The following NRXN3 variants were observed in gnomAD, a reference collection of about 807,000 sequenced individuals.
The protein encoded by NRXN3 is neurexin 3.
Under a neutral mutation model 137.6 loss-of-function variants are expected in NRXN3, and 32 were observed. That is an observed-to-expected ratio of 0.23 (90% CI 0.18 to 0.31). NRXN3 has a LOEUF of 0.31. NRXN3 is among the 10% of genes least tolerant of loss of function. The pLI is 1.00. For synonymous variants in NRXN3, 798 were observed against 784.5 expected (o/e 1.02, Z -0.29); for missense variants, 1,574 against 2,062.5 (o/e 0.76, Z 4.59).
intron 20 of NRXN3, among the ~76,000 whole-genome samples, chr14:79,822,593 T>C (rs1603616412): frequency 6.6e-6 from 1 of 152,296 alleles, no homozygotes; most frequent in East Asian, 1.9e-4. Context: ...AAGTGTTCTC[T>C]ATGTTGCCAC....
At chr14:78,352,128 T>C (rs1032623133) in intron 4 of NRXN3, among the ~76,000 whole-genome samples, 1 of 152,134 alleles carries the variant, frequency 6.6e-6, no homozygotes, top group Admixed American at 6.5e-5. Flanking sequence ...CATTGCCTTA[T>C]ATTTTCTTCT....
In NRXN3 at chr14:79,862,596, A is replaced by T. The variant is rs1471107605; in HGVS notation, c.*632A>T. 6.6e-6 allele frequency: 1 copy of T among 152,482 alleles called. No homozygotes were observed. The highest frequency in any genetic ancestry group is 2.4e-5 in the African/African-American group (1 of 41,402). The allele number at this position is 152,482 out of a possible 1,614,324, so 9.4% of individuals were successfully genotyped here. On this transcript the variant is annotated 3_prime_UTR_variant, in exon 21 of 21. Transcript: ENST00000335750. ...GTTTTTGTTTATTTTTTTGATAATG[A>T]CTGGACATCAGAAGAGGAAAAAAAC...
chr14:78,463,504 A>G (rs2094992210), intron 4 of NRXN3, among the ~76,000 whole-genome samples: 1 of 151,662 alleles, frequency 6.6e-6, no homozygotes, highest in Non-Finnish European at 1.5e-5. Flanking sequence ...GTATTAATTT[A>G]CATTCCTACA....
intron 4 of NRXN3, among the ~76,000 whole-genome samples, chr14:78,479,517 T>A (rs2095437151): frequency 6.6e-6 from 1 of 152,190 alleles, no homozygotes; most frequent in Non-Finnish European, 1.5e-5. Flanking sequence ...ACAATTCAGG[T>A]TGTACAAAGT....
At chr14:78,196,759 G>C (rs918070946) in intron 1 of NRXN3, among the ~76,000 whole-genome samples, 4 of 152,180 alleles carry the variant, frequency 2.6e-5, no homozygotes, top group African/African-American at 7.2e-5. Flanking sequence ...GAGGTATATG[G>C]CGCTATTAGA....
At chr14:79,359,854 A>C (rs1047210142) in intron 15 of NRXN3, among the ~76,000 whole-genome samples, 36 of 151,886 alleles carry the variant, frequency 2.4e-4, no homozygotes, top group African/African-American at 6.7e-4. Flanking sequence ...CACCCCCACT[A>C]TTACTCTGAA....
intron 15 of NRXN3, among the ~76,000 whole-genome samples, chr14:79,082,177 C>T (rs1212225469): frequency 1.3e-5 from 2 of 151,814 alleles, no homozygotes; most frequent in Non-Finnish European, 2.9e-5. Flanking sequence ...CTATATATCA[C>T]ATGTTTCAAG....
chr14:78,617,616 G>T (rs1296327468), intron 4 of NRXN3, among the ~76,000 whole-genome samples: 1 of 151,978 alleles, frequency 6.6e-6, no homozygotes, highest in African/African-American at 2.4e-5. Context: ...ATGGGATGGG[G>T]AATGCACAAA....
At chr14:78,241,675 C>T (rs2067102387) in intron 1 of NRXN3, among the ~76,000 whole-genome samples, 1 of 151,770 alleles carries the variant, frequency 6.6e-6, no homozygotes. Flanking sequence ...TCATTGATTC[C>T]TCTCTTCAAT....
At chr14:78,675,152 A>G (rs1192631688) in intron 6 of NRXN3, among the ~76,000 whole-genome samples, 1 of 152,200 alleles carries the variant, frequency 6.6e-6, no homozygotes, top group Non-Finnish European at 1.5e-5. Flanking sequence ...TCCTGTGAAC[A>G]GACATAAGGC....
chr14:78,220,759 G>A (rs965604101), intron 1 of NRXN3, among the ~76,000 whole-genome samples: 3 of 152,020 alleles, frequency 2.0e-5, no homozygotes, highest in Non-Finnish European at 4.4e-5. Flanking sequence ...CTGGGGATAA[G>A]TCAGTTTTAA....
At chr14:79,764,524 A>G (rs1288718906) in intron 19 of NRXN3, among the ~76,000 whole-genome samples, 1 of 152,224 alleles carries the variant, frequency 6.6e-6, no homozygotes, top group African/African-American at 2.4e-5. Flanking sequence ...GTGCTCTAGC[A>G]TGGGGGCCAT....
intron 15 of NRXN3, among the ~76,000 whole-genome samples, chr14:79,107,810 A>G (rs1568309314): frequency 6.6e-6 from 1 of 152,160 alleles, no homozygotes; most frequent in Admixed American, 6.6e-5. Flanking sequence ...ACTGGGGTAG[A>G]AACAGAAATA....
chr14:78,573,209 T>A (rs1313394431), intron 4 of NRXN3, among the ~76,000 whole-genome samples: 2 of 152,162 alleles, frequency 1.3e-5, no homozygotes, highest in African/African-American at 4.8e-5. Context: ...TCTTTATAAA[T>A]TACCCAGTCT....
intron 15 of NRXN3, among the ~76,000 whole-genome samples, chr14:79,061,742 A>G (rs2099674570): frequency 6.6e-6 from 1 of 152,204 alleles, no homozygotes; most frequent in Non-Finnish European, 1.5e-5. Flanking sequence ...TGGGTTATAC[A>G]CAAGTTACGA....
At chr14:79,318,076 A>G (rs2089241356) in intron 15 of NRXN3, among the ~76,000 whole-genome samples, 1 of 152,244 alleles carries the variant, frequency 6.6e-6, no homozygotes, top group Non-Finnish European at 1.5e-5. Flanking sequence ...GGAGCACTAA[A>G]TTCATCCACA....
At chr14:78,736,111 T>C (rs774741463) in intron 8 of NRXN3, among the ~76,000 whole-genome samples, 7 of 149,158 alleles carry the variant, frequency 4.7e-5, no homozygotes, top group Non-Finnish European at 1.0e-4. Context: ...CACATAGATA[T>C]TTACTACACA....
intron 8 of NRXN3, among the ~76,000 whole-genome samples, chr14:78,727,007 A>G (rs561489520): frequency 3.4e-5 from 5 of 148,910 alleles, no homozygotes; most frequent in African/African-American, 1.2e-4. Context: ...CATGCCATGG[A>G]TCCTAGAGAT....
intron 15 of NRXN3, among the ~76,000 whole-genome samples, chr14:79,141,246 G>C (rs2058762585): frequency 6.6e-6 from 1 of 152,160 alleles, no homozygotes; most frequent in Non-Finnish European, 1.5e-5. Flanking sequence ...TGTCTCCATT[G>C]ATTTGAAAGT....
Sources: allele counts gnomAD v4.1 joint callset (sites outside exome capture counted in the v4.1 genomes callset), GRCh38; gene constraint gnomAD v4.1.1; transcripts MANE v1.5; gene names NCBI Gene and HGNC (gene_info 2026-07-23, HGNC 2026-07-21).